SLC35D4: variants seen among roughly 807,000 people sequenced by gnomAD.
SLC35D4 encodes the protein solute carrier family 35 member D4.
the SLC35D4 span, among the ~76,000 whole-genome samples, chr18:23,290,592 C>T: frequency 2.0e-5 from 3 of 151,778 alleles, no homozygotes; most frequent in African/African-American, 7.3e-5. Flanking sequence ...CCCTTTTCTG[C>T]CTTATTACCT....
the SLC35D4 span, chr18:23,365,571 G>C: frequency 1.3e-6 from 2 of 1,584,612 alleles, no homozygotes; most frequent in Non-Finnish European, 1.7e-6. Context: ...TGAGAGACAG[G>C]CTCACTGGGT....
At chr18:23,414,331 A>AAGGAAGGAAGGAAGGCAGGC in the SLC35D4 span, among the ~76,000 whole-genome samples, 990 of 140,440 alleles carry the variant, frequency 7.0e-3, 4 homozygotes, top group African/African-American at 0.02. Flanking sequence ...GGAAGGAAGG[A>AAGGAAGGAAGGAAGGCAGGC]AGGCAGGCAG....
At chr18:23,248,314 G>A in the SLC35D4 span, among the ~76,000 whole-genome samples, 1 of 152,130 alleles carries the variant, frequency 6.6e-6, no homozygotes, top group Admixed American at 6.5e-5. Flanking sequence ...AGTGGTAAAT[G>A]CAATCAGCAG....
the SLC35D4 span, among the ~76,000 whole-genome samples, chr18:23,264,348 T>C: frequency 6.9e-6 from 1 of 145,814 alleles, no homozygotes; most frequent in Admixed American, 7.3e-5. Flanking sequence ...TGCCACACTT[T>C]ATTCCTTTTT....
At chr18:23,407,550 C>G in the SLC35D4 span, among the ~76,000 whole-genome samples, 1 of 149,618 alleles carries the variant, frequency 6.7e-6, no homozygotes, top group South Asian at 2.1e-4. Context: ...GCAGGTAATT[C>G]TGTCTGTCTG....
the SLC35D4 span, among the ~76,000 whole-genome samples, chr18:23,324,222 C>T: frequency 6.6e-6 from 1 of 152,144 alleles, no homozygotes; most frequent in African/African-American, 2.4e-5. Flanking sequence ...CCATCTGAAA[C>T]CCCAGGAGGG....
At chr18:23,239,757 A>T in the SLC35D4 span, among the ~76,000 whole-genome samples, 1 of 152,130 alleles carries the variant, frequency 6.6e-6, no homozygotes, top group African/African-American at 2.4e-5. Context: ...GTGAGTGGGG[A>T]TGTCAGAGAG....
chr18:23,279,580 G>GA, the SLC35D4 span, among the ~76,000 whole-genome samples: 3,738 of 152,150 alleles, frequency 0.025, 59 homozygotes, highest in Middle Eastern at 0.051. Context: ...CTATGAAGGG[G>GA]AAAATAGGAC....
chr18:23,294,082 C>CAG, the SLC35D4 span, among the ~76,000 whole-genome samples: 1 of 152,168 alleles, frequency 6.6e-6, no homozygotes, highest in African/African-American at 2.4e-5. Context: ...CAGGCTTGAG[C>CAG]CACCGTGACT....
the SLC35D4 span, chr18:23,356,601 A>G: frequency 1.2e-6 from 2 of 1,614,198 alleles, no homozygotes; most frequent in Non-Finnish European, 8.5e-7. This position sits in a 1 kb window ranked among gnomAD's most constrained non-coding sequence, Gnocchi z 4.1. Flanking sequence ...TACCTGGCAC[A>G]GCAGCTACCA....
chr18:23,280,987 T>C, the SLC35D4 span, among the ~76,000 whole-genome samples: 1 of 152,112 alleles, frequency 6.6e-6, no homozygotes, highest in East Asian at 1.9e-4. Flanking sequence ...CAGCTTTTAA[T>C]AGAGGTACAT....
At chr18:23,260,536 C>A in the SLC35D4 span, 3 of 152,520 alleles carry the variant, frequency 2.0e-5, no homozygotes, top group African/African-American at 4.8e-5. Flanking sequence ...GGCCCCTTGC[C>A]CTCCCCAGCC....
chr18:23,370,380 C>T, the SLC35D4 span: 1 of 910,560 alleles, frequency 1.1e-6, no homozygotes, highest in Non-Finnish European at 1.7e-6. Flanking sequence ...ACTGCTGGTC[C>T]TTTTCCCTAC....
chr18:23,330,787 A>C, the SLC35D4 span, among the ~76,000 whole-genome samples: 1 of 152,114 alleles, frequency 6.6e-6, no homozygotes, highest in African/African-American at 2.4e-5. Context: ...TGTTTTCTAC[A>C]TTGTACAGTT....
chr18:23,434,745 G>A, the SLC35D4 span, among the ~76,000 whole-genome samples: 1 of 152,122 alleles, frequency 6.6e-6, no homozygotes, highest in African/African-American at 2.4e-5. Context: ...AGTAAGCCAT[G>A]ATTGCACCAC....
chr18:23,253,036 A>G, the SLC35D4 span: 6 of 1,613,592 alleles, frequency 3.7e-6, no homozygotes, highest in Non-Finnish European at 5.1e-6. Context: ...AAGTTTCCTC[A>G]CATTAAGCTG....
the SLC35D4 span, among the ~76,000 whole-genome samples, chr18:23,426,153 T>C: frequency 2.0e-4 from 31 of 152,088 alleles, no homozygotes; most frequent in Admixed American, 2.0e-3. Flanking sequence ...ATCTAAATGG[T>C]TTTATGATGG....
the SLC35D4 span, among the ~76,000 whole-genome samples, chr18:23,265,229 C>T: frequency 6.6e-6 from 1 of 152,154 alleles, no homozygotes; most frequent in African/African-American, 2.4e-5. Flanking sequence ...AATGAGAGAG[C>T]AGGAGGAGAA....
chr18:23,264,510 G>A, the SLC35D4 span, among the ~76,000 whole-genome samples: 5 of 151,992 alleles, frequency 3.3e-5, no homozygotes, highest in South Asian at 2.1e-4. Flanking sequence ...TCACAGGCGC[G>A]CGCCACTACG....
Sources: allele counts gnomAD v4.1 joint callset (sites outside exome capture counted in the v4.1 genomes callset), GRCh38; gene constraint gnomAD v4.1.1; non-coding constraint Gnocchi (gnomAD v3.1); transcripts MANE v1.5; gene names NCBI Gene and HGNC (gene_info 2026-07-23, HGNC 2026-07-21).